The following ASTN2 variants were observed in gnomAD, a reference collection of about 807,000 sequenced individuals.
The protein encoded by ASTN2 is astrotactin-2.
Under a neutral mutation model 139.8 loss-of-function variants are expected in ASTN2, and 54 were observed. The observed-to-expected ratio is 0.39, with a 90% confidence interval of 0.31 to 0.48. The LOEUF (loss-of-function observed/expected upper bound fraction) is 0.48, where lower values mean the gene tolerates loss of function less well. Among genes scored for constraint, ASTN2 ranks in the 20% least tolerant of loss-of-function variants. ASTN2 has a pLI of 0.95. For synonymous variants in ASTN2, 756 were observed against 719.5 expected (o/e 1.05, Z -0.81); for missense variants, 1,565 against 1,725.1 (o/e 0.91, Z 1.64).
intron 8 of ASTN2, 23 bp from the exon 9 acceptor site, chr9:116,976,211 G>A: frequency 6.2e-7 from 1 of 1,607,552 alleles, no homozygotes; most frequent in Non-Finnish European, 8.5e-7. Flanking sequence ...GGAGAGGGGA[G>A]AGAAGATGAC....
At chr9:116,840,323 A>C (rs1588341107) in intron 11 of ASTN2, among the ~76,000 whole-genome samples, 1 of 149,924 alleles carries the variant, frequency 6.7e-6, no homozygotes, top group African/African-American at 2.5e-5. Flanking sequence ...TCTTTTCCTC[A>C]CCTTTCCCCC....
At chr9:117,213,378 TA>T (rs1158477805) in intron 3 of ASTN2, among the ~76,000 whole-genome samples, 2 of 152,168 alleles carry the variant, frequency 1.3e-5, no homozygotes, top group East Asian at 3.9e-4. Context: ...TAATAATTTC[TA>T]GTGTCCTATA....
At chr9:116,606,905 GT>G (rs1205529542) in intron 19 of ASTN2, among the ~76,000 whole-genome samples, 4 of 152,036 alleles carry the variant, frequency 2.6e-5, no homozygotes, top group African/African-American at 7.2e-5. Context: ...CAGAAGCCAG[GT>G]TTTCCCAAGT....
intron 1 of ASTN2, among the ~76,000 whole-genome samples, chr9:117,301,944 G>T (rs139998269): frequency 8.9e-4 from 135 of 151,846 alleles, no homozygotes; most frequent in African/African-American, 2.9e-3. Context: ...ATAGCTGTGA[G>T]AATAACAGGA....
intron 1 of ASTN2, among the ~76,000 whole-genome samples, chr9:117,364,835 A>C (rs1183270595): frequency 6.6e-6 from 1 of 152,078 alleles, no homozygotes; most frequent in Non-Finnish European, 1.5e-5. Flanking sequence ...GAAAAGAGCC[A>C]GGCATGGTGG....
intron 1 of ASTN2, among the ~76,000 whole-genome samples, chr9:117,301,525 A>G (rs1834874896): frequency 6.6e-6 from 1 of 152,222 alleles, no homozygotes; most frequent in Non-Finnish European, 1.5e-5. Flanking sequence ...AGGGGACTAC[A>G]CTTTTCCAAA....
chr9:116,704,802 A>C (rs1406738802), intron 16 of ASTN2, among the ~76,000 whole-genome samples: 1 of 148,398 alleles, frequency 6.7e-6, no homozygotes, highest in Non-Finnish European at 1.5e-5. Flanking sequence ...CTAAAGTCTA[A>C]TCATTTGATT....
At chr9:117,355,586 G>A (rs556131795) in intron 1 of ASTN2, among the ~76,000 whole-genome samples, 1 of 152,284 alleles carries the variant, frequency 6.6e-6, no homozygotes, top group East Asian at 1.9e-4. Context: ...TGGAGGCTGA[G>A]GGGCTGCCAG....
At chr9:117,212,002 T>G (rs1371657213) in intron 3 of ASTN2, among the ~76,000 whole-genome samples, 1 of 152,098 alleles carries the variant, frequency 6.6e-6, no homozygotes, top group Admixed American at 6.5e-5. Flanking sequence ...CAAAATATAC[T>G]ACAAAGCTGT....
rs535329942 is a variant in ASTN2 at position 116,533,729 on chromosome 9, T to A, written c.3356-46229A>T. On this transcript the variant is annotated intron_variant, in intron 19 of 22. Transcript: ENST00000313400. ...ATGAAGCCCACTTGATCATGGTGGA[T>A]AAGCTTTTTGATGTGCTGCTGGATT... Among the ~76,000 whole-genome samples the A allele has an allele frequency of 2.0e-5, 3 of 152,338 alleles. No individual in the cohort carries two copies. In the South Asian group the frequency reaches 6.2e-4, roughly 32 times the overall value.
Position 117,286,736 on chromosome 9 carries a change from G to A in ASTN2, c.630+4590C>T, listed in dbSNP as rs556358656. Among the ~76,000 whole-genome samples, 41 of 152,296 alleles carry A rather than the reference G, an allele frequency of 2.7e-4. 1 individual carries two copies. In the South Asian group the frequency reaches 8.3e-3, roughly 31 times the overall value. On this transcript the variant is annotated intron_variant, in intron 2 of 22. Coordinates refer to ENST00000313400, the MANE Select transcript of ASTN2 (RefSeq NM_001365068.1). ...TCTCCTATCTATAAAATGCTGGCAT[G>A]AGCAACTCCTCTCCCTAACTGACAA...
At chr9:117,077,321 C>T (rs1828307067) in intron 5 of ASTN2, among the ~76,000 whole-genome samples, 1 of 152,224 alleles carries the variant, frequency 6.6e-6, no homozygotes, top group Non-Finnish European at 1.5e-5. Flanking sequence ...GTGATTTAAA[C>T]TTTCCATATT....
intron 19 of ASTN2, among the ~76,000 whole-genome samples, chr9:116,595,824 T>C (rs1396390045): frequency 3.3e-5 from 5 of 152,184 alleles, no homozygotes; most frequent in Admixed American, 2.6e-4. Flanking sequence ...CTCTTATCAC[T>C]GTTGGGAATG....
Position 116,934,132 on chromosome 9 carries a change from T to C in ASTN2, c.1889+41076A>G, listed in dbSNP as rs145525633. ...TCAATATTTTAACAAAACCACACAG[T>C]GTGCTGTTGTATATTTGCCGAATAT... On this transcript the variant is annotated intron_variant, in intron 10 of 22. Transcript: ENST00000313400. 3.3e-5 allele frequency among the ~76,000 whole-genome samples: 5 copies of C among 152,100 alleles called. No individual in the cohort carries two copies. The East Asian group carries it at 7.8e-4, about 24-fold the overall frequency.
At chr9:116,548,615 G>C (rs1852207038) in intron 19 of ASTN2, among the ~76,000 whole-genome samples, 1 of 152,102 alleles carries the variant, frequency 6.6e-6, no homozygotes, top group African/African-American at 2.4e-5. Flanking sequence ...TGGGATTACA[G>C]GTGCCCCCCA....
intron 13 of ASTN2, among the ~76,000 whole-genome samples, chr9:116,742,477 C>T (rs979387016): frequency 6.6e-6 from 1 of 152,152 alleles, no homozygotes; most frequent in Non-Finnish European, 1.5e-5. Context: ...GAAGTCAAAC[C>T]ACCCCTCATT....
chr9:116,639,727 G>T (rs1857240080), intron 17 of ASTN2, among the ~76,000 whole-genome samples: 2 of 152,132 alleles, frequency 1.3e-5, no homozygotes, highest in Admixed American at 1.3e-4. Flanking sequence ...TCCAGCCCTG[G>T]CTCTGATATT....
At chr9:116,722,250 G>A (rs978142994) in intron 16 of ASTN2, among the ~76,000 whole-genome samples, 8 of 120,880 alleles carry the variant, frequency 6.6e-5, no homozygotes, top group East Asian at 2.1e-4. Flanking sequence ...AACATCTGAC[G>A]CACACACAAA....
chr9:116,562,125 T>A (rs926548980), intron 19 of ASTN2: 1 of 152,204 alleles, frequency 6.6e-6, no homozygotes, highest in Non-Finnish European at 1.5e-5. Context: ...AAATTTTCAG[T>A]CAGTATTTCC....
Sources: allele counts gnomAD v4.1 joint callset (sites outside exome capture counted in the v4.1 genomes callset), GRCh38; gene constraint gnomAD v4.1.1; transcripts MANE v1.5; gene names NCBI Gene and HGNC (gene_info 2026-07-23, HGNC 2026-07-21).